The following FNDC3B variants were observed in gnomAD, a reference collection of about 807,000 sequenced individuals.
FNDC3B encodes the protein fibronectin type III domain-containing protein 3B.
Under a neutral mutation model 151.5 loss-of-function variants are expected in FNDC3B, and 12 were observed. That is an observed-to-expected ratio of 0.08 (90% CI 0.05 to 0.13). FNDC3B has a LOEUF of 0.13. Ranked by LOEUF, FNDC3B falls within the 10% of genes least tolerant of loss-of-function variation. The pLI is 1.00. For missense variants in FNDC3B, 1,214 were observed against 1,505.3 expected (o/e 0.81, Z 3.20); for synonymous variants, 528 against 549.0 (o/e 0.96, Z 0.54).
chr3:172,131,350 G>T (rs533514221), intron 2 of FNDC3B, among the ~76,000 whole-genome samples: 1 of 150,590 alleles, frequency 6.6e-6, no homozygotes, highest in Admixed American at 6.6e-5. Context: ...CTGAGATCGC[G>T]CCATTGCACT....
At position 172,362,792 on chromosome 3, in the gene FNDC3B, A is replaced by G. The variant is rs745826329; in HGVS notation, c.2955A>G (p.Thr985=). 12 of 1,613,956 alleles carry G rather than the reference A, an allele frequency of 7.4e-6. No individual in the cohort carries two copies. In the East Asian group the frequency reaches 2.5e-4, roughly 33 times the overall value. The change falls in exon 23 of 26, where the codon ACA becomes ACG. Residue 985 remains threonine, a synonymous_variant. Transcript: ENST00000415807. ...AATGGGGAGACAGTAACTCCAAGAC[A>G]CATGCTGCTGAGGACATTGTGTACA... is the stretch of plus-strand genomic sequence containing the variant. ...KLKWGDSNSK[T]HAAEDIVYTL... is the part of the protein sequence containing the mutation.
intron 7 of FNDC3B, among the ~76,000 whole-genome samples, chr3:172,289,507 G>T (rs1197402635): frequency 2.0e-5 from 3 of 152,188 alleles, no homozygotes; most frequent in Admixed American, 2.0e-4. Context: ...GTTATTGCCT[G>T]AGACAGTCCA....
At chr3:172,198,985 C>T (rs773675716) in intron 3 of FNDC3B, among the ~76,000 whole-genome samples, 1 of 151,754 alleles carries the variant, frequency 6.6e-6, no homozygotes, top group Non-Finnish European at 1.5e-5. Context: ...CACCACCATG[C>T]CTGGGTGATA....
intron 3 of FNDC3B, among the ~76,000 whole-genome samples, chr3:172,175,896 T>G (rs1248996453): frequency 1.3e-5 from 2 of 152,220 alleles, no homozygotes; most frequent in Admixed American, 6.5e-5. Context: ...AAATGAAAAC[T>G]TACCTGTAAC....
intron 24 of FNDC3B, 90 bp downstream of exon 24, chr3:172,378,526 A>T: frequency 1.7e-6 from 2 of 1,147,202 alleles, no homozygotes; most frequent in Non-Finnish European, 2.4e-6. Context: ...GATGTTAAAT[A>T]TAATGTCAGC....
At chr3:172,342,946 A>T in intron 17 of FNDC3B, 65 bp from the exon 18 acceptor site, 1 of 981,994 alleles carries the variant, frequency 1.0e-6, no homozygotes, top group Non-Finnish European at 1.6e-6. Context: ...AATTTGCCTG[A>T]TATGTAGAGG....
chr3:172,370,999 G>A (rs1734855313), intron 23 of FNDC3B, among the ~76,000 whole-genome samples: 1 of 152,108 alleles, frequency 6.6e-6, no homozygotes, highest in Non-Finnish European at 1.5e-5. Context: ...TACTCTTGGT[G>A]TTGTTCACTG....
At chr3:172,215,125 T>A (rs1725911551) in intron 3 of FNDC3B, among the ~76,000 whole-genome samples, 1 of 152,270 alleles carries the variant, frequency 6.6e-6, no homozygotes, top group Non-Finnish European at 1.5e-5. Context: ...ATTTCAGCAC[T>A]ATTTGCAAAA....
chr3:172,120,411 G>T (rs566764307), intron 2 of FNDC3B, among the ~76,000 whole-genome samples: 1 of 152,138 alleles, frequency 6.6e-6, no homozygotes, highest in Non-Finnish European at 1.5e-5. Context: ...ACTCAGGGTG[G>T]GTAGGGACTG....
At chr3:172,251,655 A>G (rs1728087574) in intron 6 of FNDC3B, 114 bp downstream of exon 6, 1 of 1,029,882 alleles carries the variant, frequency 9.7e-7, no homozygotes, top group African/African-American at 1.6e-5. Flanking sequence ...TTGTTCTGCT[A>G]AGAATATTTG....
At chr3:172,121,789 A>T (rs901904315) in intron 2 of FNDC3B, among the ~76,000 whole-genome samples, 1 of 151,256 alleles carries the variant, frequency 6.6e-6, no homozygotes, top group Non-Finnish European at 1.5e-5. Flanking sequence ...CTGGTCTTGA[A>T]CTCCTGGGCT....
At chr3:172,090,148 T>C (rs186238347) in intron 1 of FNDC3B, among the ~76,000 whole-genome samples, 26 of 152,352 alleles carry the variant, frequency 1.7e-4, no homozygotes, top group African/African-American at 6.3e-4. Context: ...TTTGTCTTTT[T>C]CTCTACAACT....
chr3:172,214,975 T>A (rs1444981574), intron 3 of FNDC3B, among the ~76,000 whole-genome samples: 2 of 152,260 alleles, frequency 1.3e-5, no homozygotes, highest in Non-Finnish European at 2.9e-5. Context: ...AATGATATGT[T>A]GGTAAAGCAA....
At chr3:172,274,915 G>A (rs1729361978) in intron 6 of FNDC3B, among the ~76,000 whole-genome samples, 1 of 152,146 alleles carries the variant, frequency 6.6e-6, no homozygotes, top group South Asian at 2.1e-4. Context: ...CCTCTTTAAA[G>A]GCCCTATCTC....
intron 3 of FNDC3B, among the ~76,000 whole-genome samples, chr3:172,147,459 A>G (rs1029972930): frequency 1.3e-5 from 2 of 152,044 alleles, no homozygotes; most frequent in African/African-American, 4.8e-5. Context: ...TCCCTTCCTA[A>G]TCTAGCTCGA....
rs987674891 is a variant in FNDC3B at position 172,399,238 on chromosome 3, G to T, written c.*1763G>T. On this transcript the variant is annotated 3_prime_UTR_variant, in exon 26 of 26. Coordinates refer to ENST00000415807, the MANE Select transcript of FNDC3B (RefSeq NM_022763.4). Reference sequence around the variant, plus strand: ...TGTAAAATTTTTTAAGTGTACTTATGTACTAATTTTCCCTTGTAGCATGTT... The same window carrying T: ...TGTAAAATTTTTTAAGTGTACTTATTTACTAATTTTCCCTTGTAGCATGTT... 2 of 152,460 alleles carry T rather than the reference G, an allele frequency of 1.3e-5. No homozygotes were observed. Among genetic ancestry groups the T allele is most frequent in the Admixed American group, 6.5e-5 (1 of 15,272 alleles). The allele number at this position is 152,460 out of a possible 1,614,324, so 9.4% of individuals were successfully genotyped here.
At chr3:172,391,707 G>A (rs567882539) in intron 25 of FNDC3B, among the ~76,000 whole-genome samples, 5 of 152,194 alleles carry the variant, frequency 3.3e-5, no homozygotes, top group African/African-American at 7.2e-5. Context: ...TTAACTTATC[G>A]CCACCATAGA....
At position 172,130,673 on chromosome 3, in the gene FNDC3B, T is replaced by C. The variant is rs1205033870; in HGVS notation, c.112-2798T>C. On this transcript the variant is annotated intron_variant, in intron 2 of 25. Transcript: ENST00000415807. The stretch of plus-strand genomic sequence containing the variant: ...AGATAATGTGACGACAGTCCGGACA[T>C]GTCCCAATTCAGAAATCCGTTTTCT... 2.6e-5 allele frequency among the ~76,000 whole-genome samples: 4 copies of C among 152,352 alleles called. 1 individual carries two copies. Among genetic ancestry groups the C allele is most frequent in the Admixed American group, 2.6e-4 (4 of 15,302 alleles).
chr3:172,208,265 A>C (rs918677226), intron 3 of FNDC3B, among the ~76,000 whole-genome samples: 20 of 152,252 alleles, frequency 1.3e-4, no homozygotes, highest in Non-Finnish European at 2.8e-4. Context: ...CCTGGGGAAC[A>C]ATAGTAGTTT....
Sources: gnomAD v4.1 joint callset for allele counts (sites outside exome capture counted in the v4.1 genomes callset) on GRCh38, gnomAD v4.1.1 for gene constraint, MANE v1.5 for transcripts, NCBI Gene and HGNC (gene_info 2026-07-23, HGNC 2026-07-21) for gene names.